Variants in GMDS observed in about 807,000 individuals in gnomAD.
GMDS encodes GDP-mannose 4,6-dehydratase.
In GMDS, 20 loss-of-function variants were observed where a neutral mutation model predicts 49.9. The observed-to-expected ratio is 0.40, with a 90% CI of 0.28 to 0.58. The LOEUF (loss-of-function observed/expected upper bound fraction) is 0.58, where lower values mean the gene tolerates loss of function less well. Ranked by LOEUF, GMDS falls within the 20% of genes least tolerant of loss-of-function variation. GMDS has a pLI of 0.42. For synonymous variants in GMDS, 177 were observed against 178.6 expected (o/e 0.99, Z 0.07); for missense variants, 362 against 481.4 (o/e 0.75, Z 2.32).
chr6:1,811,724 A>G (rs1770438693), intron 7 of GMDS, among the ~76,000 whole-genome samples: 1 of 152,166 alleles, frequency 6.6e-6, no homozygotes. Context: ...GCCACTGCAC[A>G]CAGTAGGCAC....
chr6:2,066,668 T>G lies in GMDS; in HGVS notation c.345+49103A>C, dbSNP rs1185199805. Reference sequence around the variant, plus strand: ...AACAAAGATCAAAAGAGACAAAGAATGCCATTACTTAATGGTAAAGGGATC... The same window carrying G: ...AACAAAGATCAAAAGAGACAAAGAAGGCCATTACTTAATGGTAAAGGGATC... On this transcript the variant is annotated intron_variant, in intron 4 of 10. Transcript: ENST00000380815. Among the ~76,000 whole-genome samples, 21 of 152,122 alleles carry G rather than the reference T, an allele frequency of 1.4e-4. 1 individual carries two copies. Among genetic ancestry groups the G allele is most frequent in the South Asian group, 6.2e-4 (3 of 4,810 alleles).
intron 4 of GMDS, among the ~76,000 whole-genome samples, chr6:1,961,470 T>G (rs1763939636): frequency 6.6e-6 from 1 of 152,226 alleles, no homozygotes; most frequent in African/African-American, 2.4e-5. Context: ...ATTTGTAATC[T>G]ATTACACGAA....
rs1051257204 is a variant in GMDS at position 2,191,842 on chromosome 6, G to A, written c.102+53479C>T. Among the ~76,000 whole-genome samples, 8 of 152,196 alleles carry A rather than the reference G, an allele frequency of 5.3e-5. No individual in the cohort carries two copies. The highest frequency in any genetic ancestry group is 1.7e-4 in the African/African-American group (7 of 41,452). On this transcript the variant is annotated intron_variant, in intron 1 of 10. Coordinates refer to ENST00000380815, the MANE Select transcript of GMDS (RefSeq NM_001500.4). This position sits in a 1 kb window ranked among gnomAD's most constrained non-coding sequence, Gnocchi z 4.6. ...CGGGGTGGAAGGGGGTAGGTCCCTGGTGAGACCCCACCTTCAGGCCAGGGA... is the reference window on the plus strand; with the variant it reads ...CGGGGTGGAAGGGGGTAGGTCCCTGATGAGACCCCACCTTCAGGCCAGGGA...
intron 7 of GMDS, among the ~76,000 whole-genome samples, chr6:1,845,286 T>G (rs1478592046): frequency 1.3e-5 from 2 of 152,224 alleles, no homozygotes; most frequent in Non-Finnish European, 2.9e-5. Flanking sequence ...GTAATGGGTT[T>G]CACGGTCATA....
intron 1 of GMDS, among the ~76,000 whole-genome samples, chr6:2,160,033 C>G (rs1474562547): frequency 6.6e-6 from 1 of 152,030 alleles, no homozygotes; most frequent in Non-Finnish European, 1.5e-5. Flanking sequence ...AAATCTTGGG[C>G]TGAAAAAATC....
intron 1 of GMDS, among the ~76,000 whole-genome samples, chr6:2,204,220 T>C (rs1204137380): frequency 6.6e-6 from 1 of 151,398 alleles, no homozygotes; most frequent in Non-Finnish European, 1.5e-5. Flanking sequence ...ATGTTTGCCT[T>C]TCCACAGGTA....
intron 1 of GMDS, among the ~76,000 whole-genome samples, chr6:2,174,696 T>C (rs1159727894): frequency 6.6e-6 from 1 of 152,050 alleles, no homozygotes; most frequent in Non-Finnish European, 1.5e-5. Context: ...GGATCCCGAG[T>C]AGCTAGGACT....
chr6:1,860,782 C>T (rs1347638234), intron 7 of GMDS, among the ~76,000 whole-genome samples: 2 of 152,100 alleles, frequency 1.3e-5, no homozygotes, highest in Admixed American at 6.5e-5. Flanking sequence ...AGGCAAAATC[C>T]AAGGGTACTT....
At position 2,192,058 on chromosome 6, in the gene GMDS, C is replaced by T. The variant is rs1474077568; in HGVS notation, c.102+53263G>A. Among the ~76,000 whole-genome samples the T allele has an allele frequency of 2.6e-5, 4 of 152,160 alleles. No homozygotes were observed. In the East Asian group the frequency reaches 7.7e-4, roughly 29 times the overall value. ...GGGGAGAAGATGAGATGACCAGATG[C>T]AGAGAGGAGCTACTCTCTCTGCTAA... On this transcript the variant is annotated intron_variant, in intron 1 of 10. Coordinates refer to ENST00000380815, the MANE Select transcript of GMDS (RefSeq NM_001500.4).
At chr6:1,923,827 T>G (rs1352126007) in intron 7 of GMDS, among the ~76,000 whole-genome samples, 2 of 152,180 alleles carry the variant, frequency 1.3e-5, no homozygotes, top group African/African-American at 4.8e-5. Flanking sequence ...TAACATAGGA[T>G]ACAAAATGCT....
intron 1 of GMDS, among the ~76,000 whole-genome samples, chr6:2,138,207 T>C (rs1191518767): frequency 6.6e-6 from 1 of 152,216 alleles, no homozygotes; most frequent in African/African-American, 2.4e-5. Context: ...CAATGGATCA[T>C]CATACTGTAT....
At chr6:1,663,759 C>T (rs9501750) in intron 9 of GMDS, among the ~76,000 whole-genome samples, 64,900 of 151,940 alleles carry the variant, frequency 0.43, 14,277 homozygotes, top group Middle Eastern at 0.5. Context: ...GCCCTGCTCC[C>T]TCATTTCCTT....
chr6:1,917,327 C>T (rs1011329947), intron 7 of GMDS, among the ~76,000 whole-genome samples: 1 of 152,208 alleles, frequency 6.6e-6, no homozygotes, highest in East Asian at 1.9e-4. Flanking sequence ...CAGAGCAGGG[C>T]TGGAACCCAC....
intron 7 of GMDS, among the ~76,000 whole-genome samples, chr6:1,852,955 G>A (rs1449866286): frequency 2.0e-5 from 3 of 151,906 alleles, no homozygotes; most frequent in Admixed American, 6.5e-5. Flanking sequence ...ATCCGCCTCA[G>A]CCTCCCAAAG....
intron 1 of GMDS, among the ~76,000 whole-genome samples, chr6:2,242,891 G>A (rs1003719668): frequency 2.0e-5 from 3 of 152,156 alleles, no homozygotes. Flanking sequence ...AATAAGGTAT[G>A]GATTTTCAGA....
At chr6:1,660,221 CA>C (rs1256000151) in intron 9 of GMDS, among the ~76,000 whole-genome samples, 5 of 152,132 alleles carry the variant, frequency 3.3e-5, no homozygotes, top group African/African-American at 1.2e-4. Context: ...CAGGCAAAGC[CA>C]CCAAACCATG....
chr6:2,115,707 G>T, intron 4 of GMDS, 64 bp downstream of exon 4: 1 of 839,486 alleles, frequency 1.2e-6, no homozygotes. Flanking sequence ...AGAAGCAGCA[G>T]ACACAAGTAA....
chr6:1,952,473 G>C (rs905409182), intron 6 of GMDS, among the ~76,000 whole-genome samples: 2 of 152,074 alleles, frequency 1.3e-5, no homozygotes, highest in African/African-American at 4.8e-5. Flanking sequence ...TGATGATGAT[G>C]ATAGCCAAAC....
intron 8 of GMDS, among the ~76,000 whole-genome samples, chr6:1,736,782 T>C (rs80313170): frequency 0.092 from 14,011 of 152,208 alleles, 731 homozygotes; most frequent in African/African-American, 0.14. Flanking sequence ...CATAGAACCC[T>C]TAGAAGTATG....
Sources: gnomAD v4.1 joint callset for allele counts (sites outside exome capture counted in the v4.1 genomes callset) on GRCh38, gnomAD v4.1.1 for gene constraint, Gnocchi (gnomAD v3.1) non-coding constraint, MANE v1.5 for transcripts, NCBI Gene and HGNC (gene_info 2026-07-23, HGNC 2026-07-21) for gene names.